Variants in RABGAP1 observed in about 807,000 individuals in gnomAD.
RABGAP1 encodes the protein rab GTPase-activating protein 1.
Under a neutral mutation model 137.6 loss-of-function variants are expected in RABGAP1, and 23 were observed. That is an observed-to-expected ratio of 0.17 (90% confidence interval 0.12 to 0.24). The LOEUF is 0.24. Among genes scored for constraint, RABGAP1 ranks in the 10% least tolerant of loss-of-function variants. The pLI is 1.00. For missense variants in RABGAP1, 906 were observed against 1,275.8 expected, an observed-to-expected ratio of 0.71 and a Z score of 4.42; for synonymous variants, 451 against 450.7, an observed-to-expected ratio of 1.00 and a Z score of -0.01.
intron 2 of RABGAP1, among the ~76,000 whole-genome samples, chr9:122,960,181 C>G (rs767899249): frequency 3.9e-5 from 6 of 152,190 alleles, no homozygotes; most frequent in Non-Finnish European, 8.8e-5. Flanking sequence ...GGGAAAGACA[C>G]AGCTGGGAGG....
intron 13 of RABGAP1, among the ~76,000 whole-genome samples, chr9:123,047,453 A>ACTACATAG (rs1042356505): frequency 1.3e-5 from 2 of 152,180 alleles, no homozygotes; most frequent in African/African-American, 4.8e-5. Context: ...AGAGTCCTTT[A>ACTACATAG]AGGCATTACT....
At chr9:122,953,742 G>A (rs1253279815) in intron 1 of RABGAP1, among the ~76,000 whole-genome samples, 1 of 152,196 alleles carries the variant, frequency 6.6e-6, no homozygotes, top group African/African-American at 2.4e-5. Context: ...TCCTAATTGT[G>A]TGCTTCAGCA....
chr9:123,093,316 C>G (rs1687766491), intron 21 of RABGAP1, among the ~76,000 whole-genome samples: 1 of 152,136 alleles, frequency 6.6e-6, no homozygotes, highest in South Asian at 2.1e-4. Context: ...CCTCGGTGAC[C>G]CCAATCAAGC....
At chr9:123,014,858 C>T (rs2031097829) in intron 11 of RABGAP1, among the ~76,000 whole-genome samples, 1 of 151,942 alleles carries the variant, frequency 6.6e-6, no homozygotes, top group Non-Finnish European at 1.5e-5. Context: ...CACATGGCAG[C>T]AGGAAAGAGA....
At chr9:123,057,538 G>A (rs1277741617) in intron 13 of RABGAP1, among the ~76,000 whole-genome samples, 2 of 151,082 alleles carry the variant, frequency 1.3e-5, no homozygotes, top group Non-Finnish European at 1.5e-5. Flanking sequence ...GTGGGATGGC[G>A]GCCGGGCAGA....
intron 13 of RABGAP1, among the ~76,000 whole-genome samples, chr9:123,035,913 GC>G (rs1268409678): frequency 6.6e-6 from 1 of 152,106 alleles, no homozygotes; most frequent in Non-Finnish European, 1.5e-5. Context: ...AATGAATAAA[GC>G]CATATCTAAC....
chr9:122,934,985 G>A, the RABGAP1 span, among the ~76,000 whole-genome samples: 1 of 152,168 alleles, frequency 6.6e-6, no homozygotes, highest in African/African-American at 2.4e-5. Flanking sequence ...AAACCATTTA[G>A]ATTTAAAGTA....
At chr9:123,008,559 AAAAG>A (rs543526085) in intron 10 of RABGAP1, among the ~76,000 whole-genome samples, 7 of 151,876 alleles carry the variant, frequency 4.6e-5, no homozygotes, top group Admixed American at 6.6e-5. Flanking sequence ...AAAAAAAAAA[AAAAG>A]AGCTATTGCT....
intron 19 of RABGAP1, among the ~76,000 whole-genome samples, chr9:123,086,331 C>T (rs966355665): frequency 2.6e-5 from 4 of 152,164 alleles, no homozygotes; most frequent in African/African-American, 9.7e-5. Context: ...AGTCCTTTCT[C>T]AGTAATTCAG....
At chr9:123,052,394 A>C (rs2033521392) in intron 13 of RABGAP1, among the ~76,000 whole-genome samples, 1 of 152,242 alleles carries the variant, frequency 6.6e-6, no homozygotes, top group Non-Finnish European at 1.5e-5. Context: ...TACAGCTGGC[A>C]ATAGAAAATT....
intron 2 of RABGAP1, among the ~76,000 whole-genome samples, chr9:122,969,067 C>G (rs549540745): frequency 6.6e-6 from 1 of 152,280 alleles, no homozygotes; most frequent in South Asian, 2.1e-4. Flanking sequence ...CATTTCAGTC[C>G]ACAACCAACT....
chr9:123,060,217 T>A (rs1157492305), intron 13 of RABGAP1, among the ~76,000 whole-genome samples: 2 of 152,252 alleles, frequency 1.3e-5, no homozygotes, highest in African/African-American at 4.8e-5. Flanking sequence ...CAATTTCTTA[T>A]ATTTGTGTAA....
intron 1 of RABGAP1, among the ~76,000 whole-genome samples, chr9:122,943,072 C>CTTTTTTTTTTT (rs10582436): frequency 2.0e-4 from 23 of 116,172 alleles, no homozygotes; most frequent in African/African-American, 9.7e-4. Context: ...GGTGCACTTT[C>CTTTTTTTTTTT]TTTTTTTTTT....
At chr9:123,034,746 C>T in intron 13 of RABGAP1, 1 of 1,613,684 alleles carries the variant, frequency 6.2e-7, no homozygotes, top group Non-Finnish European at 8.5e-7. Flanking sequence ...CTTTGTTGAA[C>T]CATCACACTA....
intron 13 of RABGAP1, among the ~76,000 whole-genome samples, chr9:123,038,488 C>A (rs1044795778): frequency 1.4e-5 from 2 of 147,744 alleles, no homozygotes; most frequent in Non-Finnish European, 3.0e-5. Flanking sequence ...CTCAGCTTTT[C>A]AGGTTTGTTT....
At chr9:123,052,614 G>A (rs2241083) in intron 13 of RABGAP1, among the ~76,000 whole-genome samples, 5 of 151,990 alleles carry the variant, frequency 3.3e-5, no homozygotes, top group Non-Finnish European at 2.9e-5. Context: ...CTGAGCACTC[G>A]TCTGAGAAAA....
chr9:123,047,137 G>C (rs985756946), intron 13 of RABGAP1, among the ~76,000 whole-genome samples: 7 of 152,180 alleles, frequency 4.6e-5, no homozygotes, highest in Non-Finnish European at 8.8e-5. Flanking sequence ...TTTGTGTTAA[G>C]TAAAATCAAA....
chr9:123,065,227 A>G (rs150000853), intron 13 of RABGAP1, 121 bp from the exon 14 acceptor site: 81 of 691,400 alleles, frequency 1.2e-4, no homozygotes, highest in Non-Finnish European at 1.9e-4. Flanking sequence ...ATGGGCATAC[A>G]TATGTGTATG....
intron 13 of RABGAP1, among the ~76,000 whole-genome samples, chr9:123,053,404 CAG>C (rs1185414128): frequency 6.6e-6 from 1 of 152,170 alleles, no homozygotes; most frequent in Admixed American, 6.5e-5. Context: ...TATTTTACCT[CAG>C]AGAGATTTTT....
Sources: allele counts gnomAD v4.1 joint callset (sites outside exome capture counted in the v4.1 genomes callset), GRCh38; gene constraint gnomAD v4.1.1; transcripts MANE v1.5; gene names NCBI Gene and HGNC (gene_info 2026-07-23, HGNC 2026-07-21).